The following CHIC1 variants were observed in gnomAD, a reference collection of about 807,000 sequenced individuals.
CHIC1 encodes cysteine-rich hydrophobic domain-containing protein 1.
A neutral mutation model predicts 18.5 loss-of-function variants in CHIC1; 7 were observed. The ratio of observed to expected loss-of-function variants is 0.38; its 90% CI spans 0.22 to 0.71. The LOEUF (loss-of-function observed/expected upper bound fraction) is 0.71. CHIC1 is among the 30% of genes least tolerant of loss of function. The pLI is 0.49. For missense variants in CHIC1, 159 were observed against 176.9 expected (o/e 0.90, Z 0.57); for synonymous variants, 77 against 73.5 (o/e 1.05, Z -0.25).
chrX:73,673,512 T>C (rs992977597), intron 3 of CHIC1, among the ~76,000 whole-genome samples: 12 of 111,837 alleles, frequency 1.1e-4, no homozygotes, highest in Non-Finnish European at 1.9e-4. Context: ...TTGAAGCAAT[T>C]GTGAATGGGA....
chrX:73,650,605 A>G (rs2057911332), intron 3 of CHIC1, among the ~76,000 whole-genome samples: 1 of 109,094 alleles, frequency 9.2e-6, no homozygotes, highest in Admixed American at 9.9e-5. Context: ...TCCTCGACAC[A>G]TACACCCTCC....
At chrX:73,642,232 C>G (rs986717569) in intron 3 of CHIC1, among the ~76,000 whole-genome samples, 3 of 111,116 alleles carry the variant, frequency 2.7e-5, no homozygotes, top group Non-Finnish European at 5.7e-5. Context: ...GAGATGGTAT[C>G]TCATTGTGGT....
At chrX:73,591,853 A>G (rs755271851) in intron 3 of CHIC1, among the ~76,000 whole-genome samples, 13 of 111,695 alleles carry the variant, frequency 1.2e-4, no homozygotes, top group East Asian at 2.8e-4. Flanking sequence ...ATTCTGTTCC[A>G]TTGAATAACT....
intron 3 of CHIC1, among the ~76,000 whole-genome samples, chrX:73,639,837 T>C (rs772299411): frequency 1.2e-4 from 13 of 111,729 alleles, no homozygotes; most frequent in Non-Finnish European, 2.4e-4. Flanking sequence ...GCTTGAATGT[T>C]GTTAGCATAT....
In CHIC1 at chrX:73,681,655, A is replaced by G. The variant is rs2058099908; in HGVS notation, c.*650A>G. 1 of 112,377 alleles carries G rather than the reference A, an allele frequency of 8.9e-6. No individual in the cohort carries two copies. The highest frequency in any genetic ancestry group is 1.9e-5 in the Non-Finnish European group (1 of 52,945). The allele number at this position is 112,377 out of a possible 1,213,427, so 9.3% of individuals were successfully genotyped here. A position where few individuals can be genotyped will look rare whatever the true frequency, so the allele number is the denominator to read the frequency against. ...TTGTATTGCCAACAATTTTACATAGATTTTAATATGAATGAAGTTTGCAAG... is the reference window on the plus strand; with the variant it reads ...TTGTATTGCCAACAATTTTACATAGGTTTTAATATGAATGAAGTTTGCAAG... On this transcript the variant is annotated 3_prime_UTR_variant, in exon 6 of 6. Transcript: ENST00000373502.
intron 3 of CHIC1, among the ~76,000 whole-genome samples, chrX:73,657,442 G>A (rs2057956161): frequency 8.9e-6 from 1 of 111,756 alleles, no homozygotes; most frequent in East Asian, 2.8e-4. Context: ...TGGTGTATAG[G>A]AATGCCAGTG....
At chrX:73,623,748 C>T (rs1282516246) in intron 3 of CHIC1, among the ~76,000 whole-genome samples, 1 of 111,827 alleles carries the variant, frequency 8.9e-6, no homozygotes, top group Non-Finnish European at 1.9e-5. Flanking sequence ...TTTTCTTACA[C>T]ACCTTTTATA....
chrX:73,648,046 G>C (rs1376975576), intron 3 of CHIC1, among the ~76,000 whole-genome samples: 2 of 111,381 alleles, frequency 1.8e-5, no homozygotes. Flanking sequence ...CAGCCTCCAG[G>C]TGTGGAAGAG....
intron 3 of CHIC1, among the ~76,000 whole-genome samples, chrX:73,627,993 CT>C (rs1005459228): frequency 4.5e-5 from 5 of 111,373 alleles, no homozygotes; most frequent in African/African-American, 1.6e-4. Context: ...TTCAAGAGCT[CT>C]TCAGTCAGCA....
intron 3 of CHIC1, among the ~76,000 whole-genome samples, chrX:73,654,214 T>G (rs1486721741): frequency 8.9e-6 from 1 of 112,362 alleles, no homozygotes; most frequent in Non-Finnish European, 1.9e-5. Flanking sequence ...ATATTTCTTC[T>G]GTACTCAGTT....
chrX:73,675,365 T>C (rs983269310), intron 3 of CHIC1, among the ~76,000 whole-genome samples: 1 of 111,835 alleles, frequency 8.9e-6, no homozygotes, highest in Non-Finnish European at 1.9e-5. Context: ...TCTGGGAGTC[T>C]AAATCTCTTT....
intron 3 of CHIC1, among the ~76,000 whole-genome samples, chrX:73,586,682 C>G (rs2057554710): frequency 9.0e-6 from 1 of 111,268 alleles, no homozygotes; most frequent in Admixed American, 9.6e-5. Flanking sequence ...AATCACATGG[C>G]AAATAGCACA....
intron 3 of CHIC1, among the ~76,000 whole-genome samples, chrX:73,634,162 G>T (rs1172401958): frequency 8.9e-6 from 1 of 112,028 alleles, no homozygotes; most frequent in Admixed American, 9.4e-5. Context: ...ACCTTCTCCA[G>T]TCTTTACTCT....
intron 3 of CHIC1, among the ~76,000 whole-genome samples, chrX:73,601,287 C>A (rs2057647486): frequency 9.5e-6 from 1 of 104,751 alleles, no homozygotes; most frequent in African/African-American, 3.8e-5. Flanking sequence ...ACACCTATTC[C>A]AAAATTGACC....
At chrX:73,661,788 T>C (rs1408741751) in intron 3 of CHIC1, among the ~76,000 whole-genome samples, 1 of 111,511 alleles carries the variant, frequency 9.0e-6, no homozygotes, top group Non-Finnish European at 1.9e-5. Flanking sequence ...CAGCTCTGAG[T>C]GCTAGTAAAT....
At chrX:73,626,959 A>G (rs2057786002) in intron 3 of CHIC1, among the ~76,000 whole-genome samples, 1 of 110,093 alleles carries the variant, frequency 9.1e-6, no homozygotes, top group Non-Finnish European at 1.9e-5. Context: ...TTTTGGAGAT[A>G]TTTTAAAGGG....
At chrX:73,641,492 C>A (rs897517288) in intron 3 of CHIC1, among the ~76,000 whole-genome samples, 5 of 111,027 alleles carry the variant, frequency 4.5e-5, no homozygotes, top group Non-Finnish European at 5.7e-5. Context: ...GTTCCACTCT[C>A]TACTTTTATG....
At position 73,563,384 on chromosome X, in the gene CHIC1, T is replaced by G. The variant is rs1049000602; in HGVS notation, c.100T>G (p.Ser34Ala). Reference sequence around the variant, plus strand: ...GGCAACGTCGTCGTCGTCGCCGTCGTCGTCGTCGTCGGTATCTGGGCCCGA... The same window carrying G: ...GGCAACGTCGTCGTCGTCGCCGTCGGCGTCGTCGTCGGTATCTGGGCCCGA... ...EAATSSSSPSSSSSVSGPDDD... is the reference protein window; with the variant it reads ...EAATSSSSPSASSSVSGPDDD... Residue 34 changes from serine to alanine, a missense_variant, in exon 1 of 6, where the codon TCG becomes GCG. Transcript: ENST00000373502. The G allele has an allele frequency of 8.7e-7, 1 of 1,154,881 alleles. No individual in the cohort carries two copies. Among genetic ancestry groups the G allele is most frequent in the Non-Finnish European group, 1.2e-6 (1 of 866,390 alleles).
In CHIC1 at chrX:73,576,415, AACATT is replaced by A. The variant is rs202095237; in HGVS notation, c.297-988_297-984del. On this transcript the variant is annotated intron_variant, in intron 1 of 5. Transcript: ENST00000373502. ...ACGATGTTATGAAGGCTATGACTAT[AACATT>A]ACAAGGGCTATGACAACACTAAGCA... is the stretch of plus-strand genomic sequence containing the variant. Among the ~76,000 whole-genome samples the A allele has an allele frequency of 7.1e-3, 780 of 110,626 alleles. 6 individuals are homozygous for A. The highest frequency in any genetic ancestry group is 0.025 in the African/African-American group (753 of 30,710).
Sources: gnomAD v4.1 joint callset for allele counts (sites outside exome capture counted in the v4.1 genomes callset) on GRCh38, gnomAD v4.1.1 for gene constraint, MANE v1.5 for transcripts, NCBI Gene and HGNC (gene_info 2026-07-23, HGNC 2026-07-21) for gene names.